OSBPL9: variants seen among roughly 807,000 people sequenced by gnomAD.
The protein encoded by OSBPL9 is oxysterol binding protein like 9.
Under a neutral mutation model 106.6 loss-of-function variants are expected in OSBPL9, and 40 were observed. That is an observed-to-expected ratio of 0.38 (90% CI 0.29 to 0.49). OSBPL9 has a LOEUF of 0.49. Ranked by LOEUF, OSBPL9 falls within the 20% of genes least tolerant of loss-of-function variation. The pLI, the probability that OSBPL9 is intolerant of heterozygous loss-of-function variation, is 0.97. For synonymous variants in OSBPL9, 269 were observed against 295.4 expected (o/e 0.91, Z 0.92); for missense variants, 609 against 887.2 (o/e 0.69, Z 3.98).
intron 2 of OSBPL9, 98 bp downstream of exon 2, chr1:51,652,139 A>G (rs775493747): frequency 1.9e-5 from 17 of 893,224 alleles, no homozygotes; most frequent in Admixed American, 2.8e-5. Flanking sequence ...GCTTCCTTAC[A>G]TAATTGTTGG....
At chr1:51,573,848 T>C (rs1262249281), upstream of OSBPL9, 1 of 151,466 alleles carries the variant, frequency 6.6e-6, no homozygotes, top group Non-Finnish European at 1.5e-5. Flanking sequence ...ATTTGGTGAC[T>C]GGGTGATATC....
At chr1:51,521,995 G>C in the OSBPL9 span, among the ~76,000 whole-genome samples, 10 of 152,154 alleles carry the variant, frequency 6.6e-5, no homozygotes, top group Admixed American at 3.9e-4. Context: ...GACCTCAAGT[G>C]ATCTGCCTGC....
intron 1 of OSBPL9, among the ~76,000 whole-genome samples, chr1:51,618,170 C>G (rs1211319900): frequency 1.3e-5 from 2 of 152,104 alleles, no homozygotes; most frequent in African/African-American, 4.8e-5. Flanking sequence ...AGGCATGCGC[C>G]ACCACACCCT....
chr1:51,663,488 T>TA (rs1371058003), intron 2 of OSBPL9, among the ~76,000 whole-genome samples: 3 of 152,242 alleles, frequency 2.0e-5, no homozygotes. Context: ...GTTTATTTAT[T>TA]AAAAAACTTT....
At chr1:51,632,376 G>C (rs1342387038) in intron 1 of OSBPL9, among the ~76,000 whole-genome samples, 1 of 152,052 alleles carries the variant, frequency 6.6e-6, no homozygotes, top group Non-Finnish European at 1.5e-5. Context: ...TATTTCCTTT[G>C]AACAGTGAAG....
chr1:51,641,522 G>A (rs1442652447), intron 1 of OSBPL9, among the ~76,000 whole-genome samples: 1 of 152,168 alleles, frequency 6.6e-6, no homozygotes, highest in African/African-American at 2.4e-5. Context: ...GGCAAGATAA[G>A]TTCTACTTTC....
chr1:51,727,490 G>A (rs887763200), intron 4 of OSBPL9, among the ~76,000 whole-genome samples: 15 of 152,176 alleles, frequency 9.9e-5, no homozygotes, highest in African/African-American at 3.6e-4. Context: ...CAGTCTAGTG[G>A]TATAGATCAA....
At chr1:51,564,973 T>A in the OSBPL9 span, among the ~76,000 whole-genome samples, 1 of 152,184 alleles carries the variant, frequency 6.6e-6, no homozygotes, top group Non-Finnish European at 1.5e-5. Context: ...AGCCCCTTAT[T>A]TTTCCATGGT....
At chr1:51,537,536 C>T in the OSBPL9 span, among the ~76,000 whole-genome samples, 3 of 152,020 alleles carry the variant, frequency 2.0e-5, no homozygotes, top group Non-Finnish European at 4.4e-5. Flanking sequence ...AAAATAGTAA[C>T]CTAATTTTGT....
At chr1:51,731,552 G>A (rs1053316971) in intron 4 of OSBPL9, among the ~76,000 whole-genome samples, 10 of 152,108 alleles carry the variant, frequency 6.6e-5, no homozygotes, top group African/African-American at 2.4e-4. Flanking sequence ...CGAGGCGGCC[G>A]GATCTCTTGA....
intron 1 of OSBPL9, among the ~76,000 whole-genome samples, chr1:51,634,176 A>T (rs529037114): frequency 6.6e-6 from 1 of 152,118 alleles, no homozygotes; most frequent in East Asian, 1.9e-4. Context: ...CCCTTTTTAT[A>T]ATCTTGTTAT....
intron 3 of OSBPL9, among the ~76,000 whole-genome samples, chr1:51,687,857 G>C (rs1291391255): frequency 1.3e-5 from 2 of 152,204 alleles, no homozygotes; most frequent in African/African-American, 4.8e-5. Context: ...CACATTTGTG[G>C]CTCAGAGGGA....
At chr1:51,659,666 A>G (rs1647022290) in intron 2 of OSBPL9, among the ~76,000 whole-genome samples, 1 of 152,082 alleles carries the variant, frequency 6.6e-6, no homozygotes, top group African/African-American at 2.4e-5. Context: ...AGGCACAAAT[A>G]AATAATATTA....
chr1:51,786,170 T>C, intron 21 of OSBPL9: 1 of 460,546 alleles, frequency 2.2e-6, no homozygotes, highest in Non-Finnish European at 3.8e-6. Flanking sequence ...GCCTGGCACA[T>C]AGTAAGAACC....
At chr1:51,701,488 C>G (rs937850564) in intron 3 of OSBPL9, among the ~76,000 whole-genome samples, 1 of 152,078 alleles carries the variant, frequency 6.6e-6, no homozygotes, top group Admixed American at 6.5e-5. Flanking sequence ...AGTAAGAAAC[C>G]TGGTTCTCAT....
At chr1:51,530,192 AC>A in the OSBPL9 span, among the ~76,000 whole-genome samples, 768 of 84,194 alleles carry the variant, frequency 9.1e-3, 139 homozygotes, top group South Asian at 0.018. Context: ...AAAAAAAAAA[AC>A]AAAAAAAAAA....
At chr1:51,526,659 T>C in the OSBPL9 span, among the ~76,000 whole-genome samples, 1 of 152,160 alleles carries the variant, frequency 6.6e-6, no homozygotes, top group African/African-American at 2.4e-5. Flanking sequence ...AGATTCTTAC[T>C]GTTTTCCATT....
intron 4 of OSBPL9, among the ~76,000 whole-genome samples, chr1:51,723,581 C>G (rs1662544094): frequency 6.6e-6 from 1 of 152,020 alleles, no homozygotes; most frequent in Non-Finnish European, 1.5e-5. Context: ...GTGTCTCACT[C>G]TGTTGCCCAG....
intron 9 of OSBPL9, among the ~76,000 whole-genome samples, chr1:51,758,082 A>G (rs1234886290): frequency 1.3e-5 from 2 of 152,180 alleles, no homozygotes; most frequent in African/African-American, 4.8e-5. Context: ...CTGACCAAGG[A>G]CTGTGGATAA....
Sources: gnomAD v4.1 joint callset for allele counts (sites outside exome capture counted in the v4.1 genomes callset) on GRCh38, gnomAD v4.1.1 for gene constraint, MANE v1.5 for transcripts, NCBI Gene and HGNC (gene_info 2026-07-23, HGNC 2026-07-21) for gene names.